Variants in BLK observed in about 807,000 individuals in gnomAD.
BLK encodes BLK proto-oncogene, Src family tyrosine kinase, also known as tyrosine-protein kinase Blk.
Under a neutral mutation model 61.8 loss-of-function variants are expected in BLK, and 64 were observed. That is an observed-to-expected ratio of 1.03 (90% CI 0.85 to 1.27). BLK has a LOEUF of 1.27. BLK is among the 50% of genes most tolerant of loss of function. The probability of loss-of-function intolerance (pLI) is 0.00; values close to 1 mark genes in which losing one functional copy is unlikely to be tolerated. For missense variants in BLK, 853 were observed against 660.5 expected (o/e 1.29, Z -3.19); for synonymous variants, 351 against 272.0 (o/e 1.29, Z -2.86).
At chr8:11,528,334 T>C (rs1799754519) in intron 1 of BLK, among the ~76,000 whole-genome samples, 1 of 152,200 alleles carries the variant, frequency 6.6e-6, no homozygotes, top group African/African-American at 2.4e-5. Context: ...CTGCACTTGA[T>C]GATCATTCTT....
chr8:11,561,513 G>A, intron 11 of BLK, 61 bp downstream of exon 11: 1 of 1,584,896 alleles, frequency 6.3e-7, no homozygotes, highest in Admixed American at 1.8e-5. Context: ...GCTCCTCAAA[G>A]CCGCCTTTAA....
chr8:11,535,024 A>C (rs1800054188), intron 1 of BLK, among the ~76,000 whole-genome samples: 1 of 152,040 alleles, frequency 6.6e-6, no homozygotes, highest in Admixed American at 6.6e-5. Flanking sequence ...AAATTGTTTA[A>C]AAAATTAGCC....
At chr8:11,496,395 A>G (rs1322680645) in intron 1 of BLK, among the ~76,000 whole-genome samples, 1 of 152,030 alleles carries the variant, frequency 6.6e-6, no homozygotes, top group Non-Finnish European at 1.5e-5. Flanking sequence ...ACGCCACTGT[A>G]TCTGGCTAAT....
chr8:11,542,246 T>G (rs561213034), intron 1 of BLK, among the ~76,000 whole-genome samples: 1 of 152,336 alleles, frequency 6.6e-6, no homozygotes, highest in African/African-American at 2.4e-5. Context: ...TCCTCCATTG[T>G]GAGACACCTC....
Position 11,501,485 on chromosome 8 carries a change from C to T in BLK, c.-2+6894C>T, listed in dbSNP as rs573350179. Among the ~76,000 whole-genome samples the T allele has an allele frequency of 3.7e-4, 56 of 152,206 alleles. 1 individual carries two copies. The South Asian group carries it at 0.012, about 32-fold the overall frequency. Reference sequence around the variant, plus strand: ...GGGGGAAGTGTGAGGTCAAGATAGGCATCTTGTAGATGAAGAGCATGGCGT... The same window carrying T: ...GGGGGAAGTGTGAGGTCAAGATAGGTATCTTGTAGATGAAGAGCATGGCGT... On this transcript the variant is annotated intron_variant, in intron 1 of 12. Transcript: ENST00000259089.
chr8:11,496,392 T>G (rs1017663415), intron 1 of BLK, among the ~76,000 whole-genome samples: 3 of 152,014 alleles, frequency 2.0e-5, no homozygotes, highest in African/African-American at 7.2e-5. Context: ...GGTACGCCAC[T>G]GTATCTGGCT....
At chr8:11,563,740 G>A (rs1801596961) in intron 12 of BLK, among the ~76,000 whole-genome samples, 163 bp from the exon 13 acceptor site, 1 of 152,276 alleles carries the variant, frequency 6.6e-6, no homozygotes, top group African/African-American at 2.4e-5. Flanking sequence ...GGGCTGTTTA[G>A]AGACCGGGCA....
At chr8:11,522,838 C>T (rs1367788633) in intron 1 of BLK, among the ~76,000 whole-genome samples, 3 of 152,064 alleles carry the variant, frequency 2.0e-5, no homozygotes, top group Non-Finnish European at 4.4e-5. Flanking sequence ...TTTATAATTG[C>T]TTATACATGT....
At chr8:11,514,113 A>G (rs879334703) in intron 1 of BLK, among the ~76,000 whole-genome samples, 7 of 152,212 alleles carry the variant, frequency 4.6e-5, no homozygotes, top group Non-Finnish European at 8.8e-5. Flanking sequence ...TTGGTATCCC[A>G]GGAAATGAGT....
At chr8:11,506,577 G>A (rs1190440490) in intron 1 of BLK, among the ~76,000 whole-genome samples, 5 of 152,202 alleles carry the variant, frequency 3.3e-5, no homozygotes. Context: ...TCTGGTAATA[G>A]CTACATCTCT....
chr8:11,533,060 A>G (rs1298414659), intron 1 of BLK, among the ~76,000 whole-genome samples: 1 of 151,894 alleles, frequency 6.6e-6, no homozygotes, highest in Non-Finnish European at 1.5e-5. Flanking sequence ...GCCTTGAGTC[A>G]GAAGGTGTAC....
At chr8:11,560,717 C>T (rs560813454) in intron 10 of BLK, 17 of 384,744 alleles carry the variant, frequency 4.4e-5, no homozygotes, top group East Asian at 1.5e-4. Context: ...GGTGCCCCCA[C>T]GGGGCAGGCG....
At chr8:11,511,370 C>G (rs1799001575) in intron 1 of BLK, among the ~76,000 whole-genome samples, 1 of 151,940 alleles carries the variant, frequency 6.6e-6, no homozygotes, top group Non-Finnish European at 1.5e-5. Context: ...GTGCAGCACA[C>G]CAACATGGCA....
intron 1 of BLK, among the ~76,000 whole-genome samples, chr8:11,515,474 G>A (rs1186012744): frequency 1.3e-5 from 2 of 152,108 alleles, no homozygotes; most frequent in Non-Finnish European, 2.9e-5. Flanking sequence ...AGCAGCCGGC[G>A]CACAGGGGTC....
At chr8:11,510,571 C>A (rs572520956) in intron 1 of BLK, among the ~76,000 whole-genome samples, 1 of 152,076 alleles carries the variant, frequency 6.6e-6, no homozygotes, top group Non-Finnish European at 1.5e-5. Context: ...AGGTTCTCAA[C>A]GGGGGCTGTG....
chr8:11,558,098 C>T, intron 10 of BLK, 60 bp downstream of exon 10: 2 of 1,521,156 alleles, frequency 1.3e-6, no homozygotes, highest in Non-Finnish European at 1.8e-6. Context: ...CCCACAATGG[C>T]TGCTCGTGCC....
chr8:11,558,353 C>A (rs1189486153), intron 10 of BLK: 2 of 404,682 alleles, frequency 4.9e-6, no homozygotes, highest in Non-Finnish European at 9.5e-6. Flanking sequence ...GGGAAACACA[C>A]AGAGTTAGCA....
At chr8:11,558,824 C>G in intron 10 of BLK, 1 of 453,742 alleles carries the variant, frequency 2.2e-6, no homozygotes, top group South Asian at 1.6e-5. Flanking sequence ...CGTACACATA[C>G]ACACACACAT....
intron 4 of BLK, 68 bp from the exon 5 acceptor site, chr8:11,548,956 C>T (rs1800775537): frequency 2.8e-6 from 4 of 1,411,676 alleles, no homozygotes; most frequent in South Asian, 1.2e-5. Flanking sequence ...TTGAGGAGGC[C>T]TGAGAGCTGC....
Sources: allele counts gnomAD v4.1 joint callset (sites outside exome capture counted in the v4.1 genomes callset), GRCh38; gene constraint gnomAD v4.1.1; transcripts MANE v1.5; gene names NCBI Gene and HGNC (gene_info 2026-07-23, HGNC 2026-07-21).